Variants in DCC observed in about 807,000 individuals in gnomAD.
DCC encodes the protein DCC netrin 1 receptor, also known as netrin receptor DCC.
In DCC, 58 loss-of-function variants were observed where a neutral mutation model predicts 172.5. That is an observed-to-expected ratio of 0.34 (90% CI 0.27 to 0.42). The LOEUF is 0.42. Ranked by LOEUF, DCC falls within the 10% of genes least tolerant of loss-of-function variation. DCC has a pLI of 1.00. For missense variants in DCC, 1,740 were observed against 1,791.0 expected (o/e 0.97, Z 0.51); for synonymous variants, 709 against 644.5 (o/e 1.10, Z -1.52).
intron 1 of DCC, among the ~76,000 whole-genome samples, chr18:52,373,857 T>G: frequency 6.6e-6 from 1 of 151,368 alleles, no homozygotes; most frequent in South Asian, 2.1e-4. Context: ...AAACAATCAC[T>G]TGGGATCAAT....
At chr18:52,924,702 T>C (rs1345260445) in intron 4 of DCC, among the ~76,000 whole-genome samples, 1 of 152,084 alleles carries the variant, frequency 6.6e-6, no homozygotes, top group African/African-American at 2.4e-5. Context: ...TTACCTTAAA[T>C]ATTTAGATAA....
At chr18:52,755,131 C>A (rs2037058542) in intron 2 of DCC, among the ~76,000 whole-genome samples, 2 of 152,186 alleles carry the variant, frequency 1.3e-5, no homozygotes, top group Non-Finnish European at 2.9e-5. Context: ...GGAAAGGGGA[C>A]AATTTGACTT....
intron 1 of DCC, among the ~76,000 whole-genome samples, chr18:52,679,528 C>G (rs2035706742): frequency 6.6e-6 from 1 of 152,112 alleles, no homozygotes; most frequent in Non-Finnish European, 1.5e-5. Flanking sequence ...TGCTAGGTAA[C>G]AGGACACTAT....
intron 1 of DCC, among the ~76,000 whole-genome samples, chr18:52,342,650 A>T (rs1487237803): frequency 6.6e-6 from 1 of 152,180 alleles, no homozygotes. Flanking sequence ...GGCATCCCTT[A>T]CTGGGTAGAA....
At chr18:52,589,927 A>AT (rs778891130) in intron 1 of DCC, among the ~76,000 whole-genome samples, 96 of 152,164 alleles carry the variant, frequency 6.3e-4, no homozygotes, top group Non-Finnish European at 1.2e-3. Context: ...TCACTGCTGA[A>AT]TTTTTTGTTG....
intron 18 of DCC, among the ~76,000 whole-genome samples, chr18:53,400,182 G>A (rs1909210446): frequency 6.6e-6 from 1 of 152,048 alleles, no homozygotes; most frequent in Non-Finnish European, 1.5e-5. Flanking sequence ...GATTCTGTCT[G>A]GAAAAATAAG....
At chr18:52,890,459 T>C (rs1598902730) in intron 2 of DCC, among the ~76,000 whole-genome samples, 1 of 152,242 alleles carries the variant, frequency 6.6e-6, no homozygotes, top group East Asian at 1.9e-4. Flanking sequence ...TAAAACCGCC[T>C]AAAACAGCTC....
intron 11 of DCC, among the ~76,000 whole-genome samples, chr18:53,211,451 T>A (rs914293116): frequency 6.6e-6 from 1 of 152,184 alleles, no homozygotes; most frequent in Non-Finnish European, 1.5e-5. Flanking sequence ...TGGCCAGGCA[T>A]GGTGGCTCAC....
intron 5 of DCC, among the ~76,000 whole-genome samples, chr18:52,946,868 A>T (rs886274181): frequency 1.3e-5 from 2 of 152,216 alleles, no homozygotes; most frequent in Non-Finnish European, 2.9e-5. Context: ...AGGTGCCAAA[A>T]ATCTCGTAAT....
At chr18:52,553,958 T>A (rs2032844243) in intron 1 of DCC, among the ~76,000 whole-genome samples, 1 of 152,094 alleles carries the variant, frequency 6.6e-6, no homozygotes, top group African/African-American at 2.4e-5. Flanking sequence ...GAAATAATGC[T>A]AGGTTCAATT....
intron 1 of DCC, among the ~76,000 whole-genome samples, chr18:52,346,169 A>G (rs186887451): frequency 2.2e-4 from 33 of 152,358 alleles, no homozygotes; most frequent in African/African-American, 4.8e-4. Flanking sequence ...AACAATCCAG[A>G]TTATTTTCCC....
intron 7 of DCC, among the ~76,000 whole-genome samples, chr18:53,139,314 G>A (rs2043795400): frequency 6.6e-6 from 1 of 152,110 alleles, no homozygotes; most frequent in Non-Finnish European, 1.5e-5. Flanking sequence ...TCTGGGATCA[G>A]AAAATCACTG....
intron 2 of DCC, among the ~76,000 whole-genome samples, chr18:52,785,995 A>G (rs557731483): frequency 2.0e-4 from 30 of 152,216 alleles, no homozygotes; most frequent in African/African-American, 7.0e-4. Flanking sequence ...TACTACAGCA[A>G]TGGAAACTCT....
At chr18:53,142,735 C>T (rs553382614) in intron 7 of DCC, among the ~76,000 whole-genome samples, 96 of 152,216 alleles carry the variant, frequency 6.3e-4, no homozygotes, top group African/African-American at 2.2e-3. Flanking sequence ...ACTAAGAAAT[C>T]GACGTTGCTA....
At chr18:52,746,911 GAA>G (rs571435890) in intron 1 of DCC, among the ~76,000 whole-genome samples, 20 of 125,794 alleles carry the variant, frequency 1.6e-4, no homozygotes, top group Non-Finnish European at 1.0e-4. Flanking sequence ...TCATTTTACA[GAA>G]AAAAAAAAAA....
intron 5 of DCC, among the ~76,000 whole-genome samples, chr18:52,959,632 T>C (rs1026406933): frequency 2.0e-5 from 3 of 152,046 alleles, no homozygotes; most frequent in Non-Finnish European, 4.4e-5. Context: ...GTATTGAAAA[T>C]AAAATTTTGT....
chr18:52,381,009 A>G (rs554165407), intron 1 of DCC, among the ~76,000 whole-genome samples: 1 of 152,302 alleles, frequency 6.6e-6, no homozygotes, highest in African/African-American at 2.4e-5. Context: ...AAAGAAAATT[A>G]ACAAAGAACA....
At chr18:53,452,008 C>A (rs1052269920) in intron 23 of DCC, among the ~76,000 whole-genome samples, 2 of 152,160 alleles carry the variant, frequency 1.3e-5, no homozygotes, top group Middle Eastern at 3.2e-3. Flanking sequence ...AAGCAAGAAA[C>A]CTGCTAGAGT....
intron 1 of DCC, among the ~76,000 whole-genome samples, chr18:52,581,110 A>T (rs900293880): frequency 1.3e-5 from 2 of 152,064 alleles, no homozygotes; most frequent in African/African-American, 4.8e-5. Flanking sequence ...ACAGATTTAG[A>T]TATAAATATA....
Sources: gnomAD v4.1 joint callset for allele counts (sites outside exome capture counted in the v4.1 genomes callset) on GRCh38, gnomAD v4.1.1 for gene constraint, MANE v1.5 for transcripts, NCBI Gene and HGNC (gene_info 2026-07-23, HGNC 2026-07-21) for gene names.